RTEL1: variants seen among roughly 807,000 people sequenced by gnomAD.
The protein encoded by RTEL1 is regulator of telomere length.
A neutral mutation model predicts 162.2 loss-of-function variants in RTEL1; 86 were observed. The ratio of observed to expected loss-of-function variants is 0.53; its 90% CI spans 0.45 to 0.63. RTEL1 has a LOEUF of 0.63. RTEL1 is among the 30% of genes least tolerant of loss of function. RTEL1 has a pLI of 0.00. For synonymous variants in RTEL1, 958 were observed against 717.9 expected, an observed-to-expected ratio of 1.33 and a Z score of -5.35; for missense variants, 1,941 against 1,750.2, an observed-to-expected ratio of 1.11 and a Z score of -1.95.
At chr20:63,667,085 C>T (rs549393766) in intron 7 of RTEL1, among the ~76,000 whole-genome samples, 14 of 147,720 alleles carry the variant, frequency 9.5e-5, no homozygotes, top group South Asian at 4.3e-4. Context: ...GTGATCCGCC[C>T]ACCTCGGCCT....
intron 8 of RTEL1, among the ~76,000 whole-genome samples, chr20:63,670,946 C>T (rs779929412): frequency 2.0e-5 from 3 of 152,194 alleles, no homozygotes; most frequent in African/African-American, 4.8e-5. Context: ...CCGTGGTACC[C>T]GAACACTAAC....
chr20:63,664,304 C>G (rs538928969), intron 6 of RTEL1, among the ~76,000 whole-genome samples: 2 of 152,228 alleles, frequency 1.3e-5, no homozygotes, highest in African/African-American at 4.8e-5. Flanking sequence ...CTGGGTGTCC[C>G]CAGTCCCATG....
At chr20:63,672,651 C>T in intron 9 of RTEL1, 30 bp downstream of exon 9, 1 of 1,539,960 alleles carries the variant, frequency 6.5e-7, no homozygotes, top group Non-Finnish European at 8.9e-7. Context: ...CTAAACACCT[C>T]CTATTGCTTC....
chr20:63,692,095 C>G, intron 28 of RTEL1: 1 of 449,512 alleles, frequency 2.2e-6, no homozygotes, highest in Non-Finnish European at 4.1e-6. Flanking sequence ...TGGGCTTGGC[C>G]CTGGCATTTC....
At chr20:63,695,244 C>G (rs200008904) in intron 33 of RTEL1, 23 bp downstream of exon 33, 2 of 1,608,954 alleles carry the variant, frequency 1.2e-6, no homozygotes, top group Non-Finnish European at 1.7e-6. Flanking sequence ...CCTGGCTGCT[C>G]CTGGCAGCGC....
intron 6 of RTEL1, among the ~76,000 whole-genome samples, chr20:63,663,355 C>T (rs185482474): frequency 6.6e-6 from 1 of 152,350 alleles, no homozygotes; most frequent in East Asian, 1.9e-4. Flanking sequence ...TTTTCCTGTG[C>T]TGACCTTGCT....
At position 63,692,956 on chromosome 20, in the gene RTEL1, T is replaced by C; in HGVS notation, c.2804T>C (p.Leu935Pro). The change falls in exon 29 of 35, where the codon CTC (leucine) becomes CCC (proline). Residue 935 changes from leucine to proline, a missense_variant. Leu to Pro is a moderately conservative substitution (Grantham distance 98). Transcript: ENST00000360203. ...GACTTCGCCGCCCTGGCCGCCTGTC[T>C]CGGCCCCCTCTTTGCTGAGGACCCC... ...SDDFAALAAC[L>P]GPLFAEDPKK... 2 of 1,612,632 alleles carry C rather than the reference T, an allele frequency of 1.2e-6. No individual in the cohort carries two copies. Among genetic ancestry groups the C allele is most frequent in the Non-Finnish European group, 1.7e-6 (2 of 1,179,856 alleles).
At position 63,690,980 on chromosome 20, in the gene RTEL1, C is replaced by A. The variant is rs1287066189; in HGVS notation, c.2556+33C>A. ...TCCAGGGCCTTGGGATGGACACAGA[C>A]CCTCTGTCTCCTGAGGCCAACCCGA... On this transcript the variant is annotated intron_variant, in intron 27 of 34. Coordinates refer to ENST00000360203, the MANE Select transcript of RTEL1 (RefSeq NM_001283009.2). 6 of 1,528,648 alleles carry A rather than the reference C, an allele frequency of 3.9e-6. 1 individual carries two copies. The highest frequency in any genetic ancestry group is 2.8e-5 in the African/African-American group (2 of 72,334). The allele number at this position is 1,528,648 out of a possible 1,614,324, so 94.7% of individuals were successfully genotyped here.
rs769382977 is a variant in RTEL1, at chr20:63,693,054, G to C, written c.2851+51G>C. The stretch of plus-strand genomic sequence containing the variant: ...ACCCTGAGGGCAGTGCTGCCGCCGC[G>C]TGTGGGGTGGGGGCCATCTGGGTCC... On this transcript the variant is annotated intron_variant, in intron 29 of 34. Coordinates refer to ENST00000360203, the MANE Select transcript of RTEL1 (RefSeq NM_001283009.2). 10 of 1,609,648 alleles carry C rather than the reference G, an allele frequency of 6.2e-6. No individual in the cohort carries two copies. In the African/African-American group the frequency reaches 6.7e-5, roughly 11 times the overall value.
chr20:63,690,420 A>G lies in RTEL1; in HGVS notation c.2392A>G (p.Ser798Gly). The G allele has an allele frequency of 6.5e-7, 1 of 1,535,664 alleles. No homozygotes were observed. Among genetic ancestry groups the G allele is most frequent in the Non-Finnish European group, 8.8e-7 (1 of 1,131,500 alleles). The change falls in exon 26 of 35, where the codon AGC becomes GGC. Residue 798 changes from serine (S) to glycine (G), a missense_variant. Ser to Gly is a moderately conservative substitution (Grantham distance 56). Coordinates refer to ENST00000360203, the MANE Select transcript of RTEL1 (RefSeq NM_001283009.2). Reference sequence around the variant, plus strand: ...TAAGAGTCTGGACCTGCATGTCCCCAGCCTGAAGCAGAGGTCCTCAGGTGC... The same window carrying G: ...TAAGAGTCTGGACCTGCATGTCCCCGGCCTGAAGCAGAGGTCCTCAGGTGC... Reference protein sequence around the residue: ...KAKSLDLHVPSLKQRSSGSPA... With the variant: ...KAKSLDLHVPGLKQRSSGSPA...
At chr20:63,672,704 T>C (rs2090269156) in intron 9 of RTEL1, 83 bp downstream of exon 9, 2 of 1,214,078 alleles carry the variant, frequency 1.6e-6, no homozygotes, top group East Asian at 2.5e-5. Context: ...CTGGAGGGGC[T>C]CTGGCCAAAC....
chr20:63,679,477 C>T (rs1170764707), intron 12 of RTEL1, among the ~76,000 whole-genome samples: 1 of 152,104 alleles, frequency 6.6e-6, no homozygotes, highest in Non-Finnish European at 1.5e-5. Context: ...CCTAGTGACC[C>T]CATCCCTCCC....
At chr20:63,695,267 C>A in intron 33 of RTEL1, 46 bp downstream of exon 33, 1 of 1,605,474 alleles carries the variant, frequency 6.2e-7, no homozygotes, top group Non-Finnish European at 8.5e-7. Flanking sequence ...CAACCGCACG[C>A]AGCCCTGGGA....
chr20:63,688,695 C>A, intron 21 of RTEL1, 90 bp downstream of exon 21: 1 of 1,242,616 alleles, frequency 8.0e-7, no homozygotes, highest in Non-Finnish European at 1.1e-6. Flanking sequence ...CTGGCCCTGA[C>A]CATGGGCTCC....
intron 22 of RTEL1, 105 bp downstream of exon 22, chr20:63,689,237 C>T: frequency 8.5e-7 from 1 of 1,175,002 alleles, no homozygotes; most frequent in South Asian, 1.3e-5. Context: ...CGGTCCCCTC[C>T]TTGGGTCCCA....
chr20:63,694,523 TTGG>T (rs1347310835), intron 31 of RTEL1, 35 bp downstream of exon 31: 2 of 1,514,730 alleles, frequency 1.3e-6, no homozygotes, highest in Non-Finnish European at 1.8e-6. Context: ...AGCCTACGAC[TTGG>T]TGGGTCCCTC....
At chr20:63,669,255 C>T (rs568033772) in intron 8 of RTEL1, among the ~76,000 whole-genome samples, 72 of 152,102 alleles carry the variant, frequency 4.7e-4, no homozygotes, top group Non-Finnish European at 8.5e-4. Context: ...GATATCTGTT[C>T]GGAAAACAGT....
At chr20:63,693,029 A>G (rs772656720) in intron 29 of RTEL1, 26 bp downstream of exon 29, 4 of 1,611,480 alleles carry the variant, frequency 2.5e-6, no homozygotes, top group South Asian at 2.2e-5. Context: ...GAGGCCACCC[A>G]CCCTGAGGGC....
At chr20:63,691,675 A>T in intron 27 of RTEL1, 67 bp from the exon 28 acceptor site, 1 of 1,394,082 alleles carries the variant, frequency 7.2e-7, no homozygotes, top group Non-Finnish European at 1.0e-6. Flanking sequence ...CTGTGCGTCC[A>T]GGTGCTTTGG....
Sources: allele counts gnomAD v4.1 joint callset (sites outside exome capture counted in the v4.1 genomes callset), GRCh38; gene constraint gnomAD v4.1.1; transcripts MANE v1.5; gene names NCBI Gene and HGNC (gene_info 2026-07-23, HGNC 2026-07-21).